The following KPNA7 variants were observed in gnomAD, a reference collection of about 807,000 sequenced individuals.
KPNA7 encodes karyopherin subunit alpha 7.
In KPNA7, 54 loss-of-function variants were observed where a neutral mutation model predicts 53.7. The ratio of observed to expected loss-of-function variants is 1.01; its 90% CI spans 0.81 to 1.26. KPNA7 has a LOEUF of 1.26. Ranked by LOEUF, KPNA7 falls within the 50% of genes most tolerant of loss-of-function variation. The pLI, the probability that KPNA7 is intolerant of heterozygous loss-of-function variation, is 0.00. For synonymous variants in KPNA7, 276 were observed against 259.3 expected (o/e 1.06, Z -0.62); for missense variants, 640 against 644.5 (o/e 0.99, Z 0.07).
intron 3 of KPNA7, among the ~76,000 whole-genome samples, chr7:99,196,919 T>G (rs565777248): frequency 3.3e-5 from 5 of 152,252 alleles, no homozygotes; most frequent in Non-Finnish European, 7.4e-5. Flanking sequence ...GTTGTTTAAC[T>G]TCACAGCTAC....
the KPNA7 span, among the ~76,000 whole-genome samples, chr7:99,154,583 G>A: frequency 1.3e-5 from 2 of 150,276 alleles, no homozygotes; most frequent in Non-Finnish European, 3.0e-5. Flanking sequence ...AGGCTGGAGT[G>A]CAATGGCACA....
In KPNA7 at chr7:99,188,577, A is replaced by G. The variant is rs1268240515; in HGVS notation, c.637-14T>C. ...CAGAAATGTGATCTGTAACAAGGAGACTGCCTCCAGCATTGGGTGCAAAGG... is the reference window on the plus strand; with the variant it reads ...CAGAAATGTGATCTGTAACAAGGAGGCTGCCTCCAGCATTGGGTGCAAAGG... On this transcript the variant is annotated splice_polypyrimidine_tract_variant and intron_variant, in intron 6 of 10. Coordinates refer to ENST00000327442, the MANE Select transcript of KPNA7 (RefSeq NM_001145715.3). 9.0e-6 allele frequency: 14 copies of G among 1,547,988 alleles called. No homozygotes were observed. The highest frequency in any genetic ancestry group is 1.2e-5 in the Non-Finnish European group (14 of 1,143,880).
chr7:99,162,208 C>A, the KPNA7 span, among the ~76,000 whole-genome samples: 1 of 152,062 alleles, frequency 6.6e-6, no homozygotes, highest in Admixed American at 6.6e-5. Flanking sequence ...CCATACCCAG[C>A]TAATTTTGTA....
At chr7:99,180,340 A>G (rs1799113361) in intron 9 of KPNA7, among the ~76,000 whole-genome samples, 1 of 152,102 alleles carries the variant, frequency 6.6e-6, no homozygotes. Context: ...TGTCTCTACT[A>G]AAAATACAAA....
intron 6 of KPNA7, among the ~76,000 whole-genome samples, chr7:99,189,757 G>T (rs1159194704): frequency 4.0e-5 from 6 of 151,548 alleles, no homozygotes; most frequent in Admixed American, 3.9e-4. Flanking sequence ...GAGTAGCTGT[G>T]GCTAGACATG....
At chr7:99,208,767 A>G (rs1019452399), upstream of KPNA7, among the ~76,000 whole-genome samples, 6 of 152,196 alleles carry the variant, frequency 3.9e-5, no homozygotes, top group Non-Finnish European at 7.3e-5. Context: ...AAGACCACCA[A>G]TGCTGGGCAT....
At chr7:99,160,889 CAG>C in the KPNA7 span, among the ~76,000 whole-genome samples, 6 of 151,398 alleles carry the variant, frequency 4.0e-5, no homozygotes, top group Non-Finnish European at 8.8e-5. Context: ...TTTTTTGAGA[CAG>C]AGTCTTTCTC....
At chr7:99,176,297 C>CAAAAAAAAAA (rs1491289534) in intron 10 of KPNA7, among the ~76,000 whole-genome samples, 2 of 57,146 alleles carry the variant, frequency 3.5e-5, no homozygotes, top group Non-Finnish European at 7.6e-5. Context: ...GACTACGTCT[C>CAAAAAAAAAA]AAAAAAAAAA....
the KPNA7 span, among the ~76,000 whole-genome samples, chr7:99,161,164 A>G: frequency 6.6e-5 from 10 of 152,020 alleles, no homozygotes; most frequent in South Asian, 2.1e-3. Flanking sequence ...GCCTTCTAAG[A>G]TTAGGTTATA....
intron 3 of KPNA7, among the ~76,000 whole-genome samples, chr7:99,200,899 C>T (rs1012311076): frequency 2.0e-5 from 3 of 151,848 alleles, no homozygotes; most frequent in Admixed American, 6.6e-5. Flanking sequence ...TCCCGGGAGA[C>T]AAAAGTTGCA....
At chr7:99,210,904 A>C (rs1791052217), upstream of KPNA7, among the ~76,000 whole-genome samples, 1 of 151,978 alleles carries the variant, frequency 6.6e-6, no homozygotes, top group Non-Finnish European at 1.5e-5. Flanking sequence ...GAATGTTCAC[A>C]AGGCAGCAGG....
In KPNA7 at chr7:99,179,632, T is replaced by G. The variant is rs532484428; in HGVS notation, c.1318-1566A>C. The stretch of plus-strand genomic sequence containing the variant: ...CAGACTCTTGCTCTGTTGCCCAAGC[T>G]GGAGTGCAGTGGCATGATCTTGGCT... On this transcript the variant is annotated intron_variant, in intron 9 of 10. Coordinates refer to ENST00000327442, the MANE Select transcript of KPNA7 (RefSeq NM_001145715.3). 1.4e-4 allele frequency among the ~76,000 whole-genome samples: 22 copies of G among 152,088 alleles called. No homozygotes were observed. The South Asian group carries it at 4.6e-3, about 32-fold the overall frequency.
Position 99,203,137 on chromosome 7 carries a change from G to A in KPNA7, c.170C>T (p.Thr57Ile), listed in dbSNP as rs1240371179. ...RRNITSFCPD[T>I]PSEKTAKGVA... Reference sequence around the variant, plus strand: ...CCCTTTGGCTGTTTTTTCAGAAGGTGTGTCAGGGCAGAAGCTCGTGATATT... The same window carrying A: ...CCCTTTGGCTGTTTTTTCAGAAGGTATGTCAGGGCAGAAGCTCGTGATATT... The change falls in exon 3 of 11, where the codon ACA (threonine) becomes ATA (isoleucine). Residue 57 changes from threonine (T) to isoleucine (I), a missense_variant. Transcript: ENST00000327442. 11 of 1,551,684 alleles carry A rather than the reference G, an allele frequency of 7.1e-6. No individual in the cohort carries two copies. Among genetic ancestry groups the A allele is most frequent in the East Asian group, 4.9e-5 (2 of 40,918 alleles).
At chr7:99,207,041 AT>A (rs34306427) in intron 2 of KPNA7, among the ~76,000 whole-genome samples, 8,729 of 149,300 alleles carry the variant, frequency 0.058, 295 homozygotes, top group South Asian at 0.14. Flanking sequence ...GCCCCCCGCT[AT>A]TTTTTTTTTG....
downstream of KPNA7, among the ~76,000 whole-genome samples, chr7:99,169,570 T>C (rs1798734038): frequency 6.6e-6 from 1 of 151,864 alleles, no homozygotes. Context: ...TGAGCTGAGA[T>C]TGCACCACTG....
intron 4 of KPNA7, among the ~76,000 whole-genome samples, chr7:99,195,635 G>C (rs781358147): frequency 6.6e-6 from 1 of 152,094 alleles, no homozygotes; most frequent in Admixed American, 6.6e-5. Context: ...CCCAGTAGGC[G>C]GAGGTTGCAG....
chr7:99,211,020 C>CT (rs1791055337), upstream of KPNA7, among the ~76,000 whole-genome samples: 1 of 151,938 alleles, frequency 6.6e-6, no homozygotes, highest in Non-Finnish European at 1.5e-5. Context: ...TCAACTGACT[C>CT]TTGTCTTCAG....
At chr7:99,187,797 TTTAAAAAAAAAA>T (rs1355000420) in intron 7 of KPNA7, among the ~76,000 whole-genome samples, 2,059 of 79,962 alleles carry the variant, frequency 0.026, 110 homozygotes, top group African/African-American at 0.068. Flanking sequence ...GGCCTTTTTT[TTTAAAAAAAAAA>T]AAAAAAAAAA....
Position 99,181,889 on chromosome 7 carries a change from G to T in KPNA7, c.1311C>A (p.Ile437=), listed in dbSNP as rs555539504. The change falls in exon 9 of 11, where the codon ATC becomes ATA. Residue 437 remains isoleucine, a synonymous_variant. Transcript: ENST00000327442. ...VLIILDVISC[I]LQAAEKRSEK... is the part of the protein sequence containing the mutation. ...CCTGTTCAGAACGGCTCACCTGGAG[G>T]ATGCAAGAGATGACATCAAGGATGA... 1.9e-5 allele frequency: 30 copies of T among 1,542,064 alleles called. No homozygotes were observed. In the East Asian group the frequency reaches 6.9e-4, roughly 35 times the overall value.
Sources: allele counts gnomAD v4.1 joint callset (sites outside exome capture counted in the v4.1 genomes callset), GRCh38; gene constraint gnomAD v4.1.1; transcripts MANE v1.5; gene names NCBI Gene and HGNC (gene_info 2026-07-23, HGNC 2026-07-21).